Variants in PDE1C observed in about 807,000 individuals in gnomAD.
The protein encoded by PDE1C is dual specificity calcium/calmodulin-dependent 3',5'-cyclic nucleotide phosphodiesterase 1C.
A neutral mutation model predicts 93.1 loss-of-function variants in PDE1C; 62 were observed. The observed-to-expected ratio is 0.67, with a 90% confidence interval of 0.54 to 0.82. The LOEUF is 0.82. Among genes scored for constraint, PDE1C ranks in the 40% least tolerant of loss-of-function variants. The pLI, the probability that PDE1C is intolerant of heterozygous loss-of-function variation, is 0.00. For synonymous variants in PDE1C, 325 were observed against 310.1 expected, an observed-to-expected ratio of 1.05 and a Z score of -0.50; for missense variants, 742 against 884.6, an observed-to-expected ratio of 0.84 and a Z score of 2.04.
intron 1 of PDE1C, among the ~76,000 whole-genome samples, chr7:32,358,089 A>G (rs1452640202): frequency 6.6e-6 from 1 of 152,224 alleles, no homozygotes; most frequent in Non-Finnish European, 1.5e-5. Flanking sequence ...CACTGCTCCC[A>G]GCACTGTGTT....
the PDE1C span, among the ~76,000 whole-genome samples, chr7:31,647,907 A>G: frequency 1.3e-5 from 2 of 152,260 alleles, no homozygotes; most frequent in East Asian, 3.9e-4. Flanking sequence ...GTCTAGGGTA[A>G]TGATTTGTTG....
At chr7:31,721,604 G>A in the PDE1C span, among the ~76,000 whole-genome samples, 8 of 152,202 alleles carry the variant, frequency 5.3e-5, no homozygotes, top group African/African-American at 1.9e-4. Flanking sequence ...GAAGTTGCAA[G>A]ATACCTTAGC....
intron 3 of PDE1C, among the ~76,000 whole-genome samples, chr7:32,124,469 GTAACCAA>G (rs1799461754): frequency 6.6e-6 from 1 of 152,188 alleles, no homozygotes; most frequent in East Asian, 1.9e-4. Context: ...CAAGGCTACA[GTAACCAA>G]AACAGCATGG....
At chr7:32,315,501 A>G (rs1447251975) in intron 1 of PDE1C, among the ~76,000 whole-genome samples, 1 of 152,192 alleles carries the variant, frequency 6.6e-6, no homozygotes, top group Non-Finnish European at 1.5e-5. Flanking sequence ...CAGCAAGTTC[A>G]AGTTTGTTCT....
the PDE1C span, among the ~76,000 whole-genome samples, chr7:31,644,457 G>C: frequency 2.0e-5 from 3 of 152,180 alleles, no homozygotes; most frequent in African/African-American, 7.2e-5. Flanking sequence ...GAAATCTCTA[G>C]GTAATGTTAA....
At chr7:31,843,227 T>C (rs974994077) in intron 9 of PDE1C, among the ~76,000 whole-genome samples, 1 of 151,972 alleles carries the variant, frequency 6.6e-6, no homozygotes, top group Non-Finnish European at 1.5e-5. Context: ...GTGGCTGATG[T>C]TGTTCAAATC....
At chr7:32,175,360 A>G (rs1802915125) in intron 2 of PDE1C, among the ~76,000 whole-genome samples, 1 of 152,244 alleles carries the variant, frequency 6.6e-6, no homozygotes, top group Admixed American at 6.5e-5. Context: ...TTAAGTGTGT[A>G]ATAGCGTTTT....
intron 16 of PDE1C, among the ~76,000 whole-genome samples, chr7:31,805,631 A>G (rs1786727817): frequency 6.7e-6 from 1 of 149,846 alleles, no homozygotes; most frequent in South Asian, 2.1e-4. Flanking sequence ...AAACCACAGA[A>G]AGTGAAACTG....
At chr7:32,282,052 A>C (rs1811667968) in intron 1 of PDE1C, among the ~76,000 whole-genome samples, 1 of 150,808 alleles carries the variant, frequency 6.6e-6, no homozygotes, top group Non-Finnish European at 1.5e-5. Context: ...GGAAATACCT[A>C]ATGTAAATGG....
intron 2 of PDE1C, among the ~76,000 whole-genome samples, chr7:32,027,843 A>G (rs1032219818): frequency 6.6e-6 from 1 of 152,082 alleles, no homozygotes; most frequent in Non-Finnish European, 1.5e-5. Flanking sequence ...CAACAACAAC[A>G]AAAAAATCTG....
intron 2 of PDE1C, among the ~76,000 whole-genome samples, chr7:31,975,730 T>C (rs994153793): frequency 6.6e-6 from 1 of 152,210 alleles, no homozygotes; most frequent in African/African-American, 2.4e-5. Context: ...GAGGTATAAC[T>C]ACCTTACAGA....
intron 3 of PDE1C, among the ~76,000 whole-genome samples, chr7:32,084,166 G>T: frequency 6.6e-6 from 1 of 151,796 alleles, no homozygotes; most frequent in Non-Finnish European, 1.5e-5. Context: ...GATCTACCAA[G>T]CAAATGGAAA....
intron 1 of PDE1C, among the ~76,000 whole-genome samples, chr7:32,413,241 G>A (rs975762512): frequency 6.6e-6 from 1 of 152,132 alleles, no homozygotes; most frequent in African/African-American, 2.4e-5. Flanking sequence ...TGAAAGGATA[G>A]GTAGACAGAT....
At chr7:32,217,229 C>T (rs1806502137) in intron 1 of PDE1C, among the ~76,000 whole-genome samples, 1 of 152,202 alleles carries the variant, frequency 6.6e-6, no homozygotes, top group Admixed American at 6.5e-5. Context: ...ACCAGTACAA[C>T]TCACAAAAAC....
At chr7:32,404,916 T>C (rs1280151239) in intron 1 of PDE1C, among the ~76,000 whole-genome samples, 3 of 152,200 alleles carry the variant, frequency 2.0e-5, no homozygotes, top group Admixed American at 6.5e-5. Flanking sequence ...TTTCTAGGTA[T>C]CTTGCTTTTC....
the PDE1C span, among the ~76,000 whole-genome samples, chr7:31,617,266 A>AAAATGACAGAT: frequency 6.6e-6 from 1 of 152,078 alleles, no homozygotes; most frequent in Non-Finnish European, 1.5e-5. Context: ...CAACAATTTA[A>AAAATGACAGAT]CTTTGCAAAG....
chr7:32,259,432 G>C lies in PDE1C; in HGVS notation c.85+39219C>G, dbSNP rs553120199. 1.1e-4 allele frequency among the ~76,000 whole-genome samples: 16 copies of C among 152,240 alleles called. 1 individual carries two copies. In the South Asian group the frequency reaches 3.3e-3, roughly 32 times the overall value. ...GTGCTCAGGGCCCCGGCAAGTCTCT[G>C]CTCTAGTAAGAAGGTGGGGCAACTG... On this transcript the variant is annotated intron_variant, in intron 1 of 18. Coordinates refer to the PDE1C transcript ENST00000396193.
chr7:32,153,562 G>C (rs1301051254), intron 3 of PDE1C, among the ~76,000 whole-genome samples: 1 of 152,208 alleles, frequency 6.6e-6, no homozygotes, highest in Non-Finnish European at 1.5e-5. Context: ...GGGACCCAAA[G>C]AAGTTTTAAA....
At chr7:31,669,777 A>G in the PDE1C span, among the ~76,000 whole-genome samples, 1 of 152,346 alleles carries the variant, frequency 6.6e-6, no homozygotes, top group East Asian at 1.9e-4. Flanking sequence ...CTGCTTTTCA[A>G]CACAATTTTC....
Sources: gnomAD v4.1 joint callset for allele counts (sites outside exome capture counted in the v4.1 genomes callset) on GRCh38, gnomAD v4.1.1 for gene constraint, MANE v1.5 for transcripts, NCBI Gene and HGNC (gene_info 2026-07-23, HGNC 2026-07-21) for gene names.